TMEM108: variants seen among roughly 807,000 people sequenced by gnomAD.
TMEM108 encodes cancer/testis antigen 124.
A neutral mutation model predicts 35.1 loss-of-function variants in TMEM108; 12 were observed. That is an observed-to-expected ratio of 0.34 (90% CI 0.22 to 0.55). TMEM108 has a LOEUF of 0.55. TMEM108 is among the 20% of genes least tolerant of loss of function. The pLI is 0.89. For missense variants in TMEM108, 680 were observed against 753.3 expected (o/e 0.90, Z 1.14); for synonymous variants, 287 against 308.6 (o/e 0.93, Z 0.73).
chr3:133,325,319 G>A (rs1327170559), intron 3 of TMEM108, among the ~76,000 whole-genome samples: 1 of 152,162 alleles, frequency 6.6e-6, no homozygotes, highest in Non-Finnish European at 1.5e-5. Context: ...GGATTTTGGG[G>A]ATTCAAGAAA....
At chr3:133,071,884 C>T (rs75573436) in intron 2 of TMEM108, among the ~76,000 whole-genome samples, 4,201 of 152,234 alleles carry the variant, frequency 0.028, 103 homozygotes, top group South Asian at 0.061. Flanking sequence ...GCCAGTGCTT[C>T]TGATATCATA....
chr3:133,133,832 C>T (rs146668262), intron 2 of TMEM108, among the ~76,000 whole-genome samples: 4,603 of 151,010 alleles, frequency 0.03, 127 homozygotes, highest in South Asian at 0.063. Flanking sequence ...GGCGCGATCT[C>T]GGCTCACTGC....
chr3:133,108,633 A>G (rs1048091373), intron 2 of TMEM108, among the ~76,000 whole-genome samples: 6 of 151,994 alleles, frequency 3.9e-5, no homozygotes, highest in African/African-American at 1.5e-4. Context: ...ATTAGATCCC[A>G]TTTATCAATT....
At chr3:133,131,467 T>C (rs1260492040) in intron 2 of TMEM108, among the ~76,000 whole-genome samples, 8 of 149,364 alleles carry the variant, frequency 5.4e-5, no homozygotes, top group African/African-American at 2.0e-4. Context: ...CTTTTAAATT[T>C]TATTATATCT....
intron 2 of TMEM108, among the ~76,000 whole-genome samples, chr3:133,132,688 C>T (rs1944506865): frequency 1.3e-5 from 2 of 152,078 alleles, no homozygotes; most frequent in Admixed American, 1.3e-4. Flanking sequence ...ACTTTCAAGT[C>T]TTATTATTTA....
chr3:133,172,772 C>G (rs1945149287), intron 2 of TMEM108, among the ~76,000 whole-genome samples: 1 of 152,158 alleles, frequency 6.6e-6, no homozygotes, highest in Admixed American at 6.5e-5. Context: ...TGTCACCACC[C>G]AAATCTCATC....
chr3:133,275,556 C>A (rs1260150703), intron 3 of TMEM108, among the ~76,000 whole-genome samples: 1 of 152,078 alleles, frequency 6.6e-6, no homozygotes, highest in Non-Finnish European at 1.5e-5. Flanking sequence ...TCTTTTCTGG[C>A]TATTAATTTT....
intron 3 of TMEM108, among the ~76,000 whole-genome samples, chr3:133,308,247 A>G (rs2071072111): frequency 6.6e-6 from 1 of 152,272 alleles, no homozygotes; most frequent in Non-Finnish European, 1.5e-5. Context: ...TTATCAGCTT[A>G]AGGAGATTTT....
At chr3:133,286,368 C>G (rs1946985545) in intron 3 of TMEM108, among the ~76,000 whole-genome samples, 1 of 152,166 alleles carries the variant, frequency 6.6e-6, no homozygotes, top group Non-Finnish European at 1.5e-5. Context: ...AGGTCTCACT[C>G]TGCTGCTCAG....
At chr3:133,085,081 T>C (rs1051326614) in intron 2 of TMEM108, among the ~76,000 whole-genome samples, 6 of 152,202 alleles carry the variant, frequency 3.9e-5, no homozygotes, top group African/African-American at 9.6e-5. Flanking sequence ...TCTTTTACTA[T>C]TTCTTTCTTC....
chr3:133,150,795 A>G (rs956558551), intron 2 of TMEM108, among the ~76,000 whole-genome samples: 2 of 152,136 alleles, frequency 1.3e-5, no homozygotes, highest in African/African-American at 2.4e-5. Context: ...CATCGATCCA[A>G]TAAGTACAAG....
chr3:133,068,078 T>TTAATATATTAATGTTATA (rs57199216), intron 2 of TMEM108, among the ~76,000 whole-genome samples: 1 of 150,900 alleles, frequency 6.6e-6, no homozygotes, highest in Non-Finnish European at 1.5e-5. Flanking sequence ...AGATGTAACA[T>TTAATATATTAATGTTATA]TAATATATTA....
At chr3:133,252,090 C>T (rs1946480024) in intron 3 of TMEM108, among the ~76,000 whole-genome samples, 1 of 152,000 alleles carries the variant, frequency 6.6e-6, no homozygotes, top group African/African-American at 2.4e-5. Flanking sequence ...TGTGGGTGTC[C>T]TTGAAATAAT....
intron 2 of TMEM108, among the ~76,000 whole-genome samples, chr3:133,108,221 A>G (rs1944180803): frequency 6.6e-6 from 1 of 152,008 alleles, no homozygotes; most frequent in Non-Finnish European, 1.5e-5. Context: ...ACAGAGTGAC[A>G]CTTCATCTTA....
At chr3:133,133,442 A>G (rs1444537539) in intron 2 of TMEM108, among the ~76,000 whole-genome samples, 2 of 152,332 alleles carry the variant, frequency 1.3e-5, no homozygotes, top group Middle Eastern at 3.4e-3. Flanking sequence ...AGACTACAGT[A>G]ATGTGAACAT....
chr3:133,165,528 T>G lies in TMEM108; in HGVS notation c.-46-63738T>G, dbSNP rs143391691. 4.3e-3 allele frequency among the ~76,000 whole-genome samples: 650 copies of G among 152,326 alleles called. 4 individuals are homozygous for G. Among genetic ancestry groups the G allele is most frequent in the Non-Finnish European group, 7.3e-3 (495 of 68,026 alleles). ...AAGACTATAGACTGTTTTGTGCATA[T>G]CTCACTTTTTGGAAAAAGAAGTATT... On this transcript the variant is annotated intron_variant, in intron 2 of 5. Coordinates refer to ENST00000321871, the MANE Select transcript of TMEM108 (RefSeq NM_023943.4).
At chr3:133,316,684 A>G (rs2071203527) in intron 3 of TMEM108, among the ~76,000 whole-genome samples, 1 of 152,222 alleles carries the variant, frequency 6.6e-6, no homozygotes, top group Non-Finnish European at 1.5e-5. Context: ...TGTTTTGAGA[A>G]TGAGCCAAAA....
intron 3 of TMEM108, among the ~76,000 whole-genome samples, chr3:133,256,792 T>C (rs1438070727): frequency 2.0e-5 from 3 of 152,108 alleles, no homozygotes; most frequent in African/African-American, 7.2e-5. Context: ...AAGGCAGAAA[T>C]AAATCCAAAT....
chr3:133,176,526 C>T (rs773025103), intron 2 of TMEM108, among the ~76,000 whole-genome samples: 2 of 152,184 alleles, frequency 1.3e-5, no homozygotes, highest in South Asian at 2.1e-4. Context: ...GTCAAAACTA[C>T]TCAACTACAT....
Sources: gnomAD v4.1 joint callset for allele counts (sites outside exome capture counted in the v4.1 genomes callset) on GRCh38, gnomAD v4.1.1 for gene constraint, MANE v1.5 for transcripts, NCBI Gene and HGNC (gene_info 2026-07-23, HGNC 2026-07-21) for gene names.